Variants in FIBCD1 observed in about 807,000 individuals in gnomAD.
The protein encoded by FIBCD1 is fibrinogen C domain-containing protein 1.
FIBCD1 carries 47 observed loss-of-function variants against 45.1 expected under a neutral mutation model. The observed-to-expected ratio is 1.04, with a 90% CI of 0.82 to 1.33. FIBCD1 has a LOEUF of 1.33. FIBCD1 is among the 40% of genes most tolerant of loss of function. FIBCD1 has a pLI of 0.00. For missense variants in FIBCD1, 653 were observed against 682.2 expected, an observed-to-expected ratio of 0.96 and a Z score of 0.48; for synonymous variants, 313 against 308.1, an observed-to-expected ratio of 1.02 and a Z score of -0.17.
upstream of FIBCD1, among the ~76,000 whole-genome samples, chr9:130,939,690 C>A (rs1024145401): frequency 1.3e-5 from 2 of 152,034 alleles, no homozygotes; most frequent in Non-Finnish European, 2.9e-5. Context: ...CCCCGGCGCG[C>A]CCCGCGTGGT....
intron 4 of FIBCD1, among the ~76,000 whole-genome samples, chr9:130,913,670 C>T (rs751335431): frequency 2.9e-4 from 44 of 152,296 alleles, no homozygotes; most frequent in Non-Finnish European, 2.5e-4. Context: ...ATCTGAGGAG[C>T]GGTGGAGAGC....
Position 130,923,869 on chromosome 9 carries a change from G to C in FIBCD1, c.724C>G (p.Arg242Gly). Residue 242 changes from arginine (R) to glycine (G), a missense_variant, in exon 4 of 7, where the codon CGA (arginine) becomes GGA (glycine). Coordinates refer to ENST00000372338, the MANE Select transcript of FIBCD1 (RefSeq NM_032843.5). Reference sequence around the variant, plus strand: ...CTTAGGAGGACGTCCAGACAGTCTCGGGGCCGGGAGCCTGAGGGAGGCAAG... The same window carrying C: ...CTTAGGAGGACGTCCAGACAGTCTCCGGGCCGGGAGCCTGAGGGAGGCAAG... Reference protein sequence around the residue: ...PRGCATGSRPRDCLDVLLSGQ... With the variant: ...PRGCATGSRPGDCLDVLLSGQ... 1 of 1,612,480 alleles carries C rather than the reference G, an allele frequency of 6.2e-7. No homozygotes were observed. Among genetic ancestry groups the C allele is most frequent in the Non-Finnish European group, 8.5e-7 (1 of 1,179,986 alleles).
At chr9:130,936,266 G>GA (rs1321607741) in intron 1 of FIBCD1, 1 of 152,400 alleles carries the variant, frequency 6.6e-6, no homozygotes, top group East Asian at 1.9e-4. Context: ...AGGGAGGAGA[G>GA]AAGGCTGGCC....
chr9:130,911,127 T>G (rs1485383199), intron 5 of FIBCD1, among the ~76,000 whole-genome samples: 1 of 152,172 alleles, frequency 6.6e-6, no homozygotes, highest in Non-Finnish European at 1.5e-5. Flanking sequence ...TTTCACTCTT[T>G]GGGTCCACGC....
At chr9:130,930,978 T>A (rs962238260) in intron 1 of FIBCD1, among the ~76,000 whole-genome samples, 1 of 152,092 alleles carries the variant, frequency 6.6e-6, no homozygotes, top group African/African-American at 2.4e-5. Context: ...CCGTGTTCTG[T>A]CCTGCTGTTC....
At chr9:130,911,994 T>A in intron 4 of FIBCD1, 106 bp from the exon 5 acceptor site, 1 of 980,650 alleles carries the variant, frequency 1.0e-6, no homozygotes, top group Non-Finnish European at 1.5e-6. Context: ...GCTCCCAACC[T>A]GCCCTCTCGG....
At chr9:130,920,411 A>G (rs750728305) in intron 4 of FIBCD1, among the ~76,000 whole-genome samples, 2 of 152,064 alleles carry the variant, frequency 1.3e-5, no homozygotes, top group Non-Finnish European at 2.9e-5. Context: ...ACTTGTCCCC[A>G]TCTGCAGAGC....
At chr9:130,917,357 C>T (rs747407600) in intron 4 of FIBCD1, among the ~76,000 whole-genome samples, 16 of 152,314 alleles carry the variant, frequency 1.1e-4, no homozygotes, top group South Asian at 2.1e-4. Context: ...TTGGAAGTGC[C>T]GCTTAGAGGG....
rs1481151496 is a variant in FIBCD1 at position 130,904,095 on chromosome 9, A to G, written c.1355T>C (p.Met452Thr). Residue 452 changes from methionine to threonine, a missense_variant, in exon 7 of 7, where the codon ATG (methionine) becomes ACG (threonine). By Grantham distance (81) the Met-to-Thr change is moderately conservative. Transcript: ENST00000372338. ...GWQYSLKFSE[M>T]KIRPVREDR ...GTCCTCCCGGACCGGCCGGATCTTC[A>G]TCTCAGAGAACTTGAGTGAGTACTG... The G allele has an allele frequency of 6.2e-7, 1 of 1,613,130 alleles. No homozygotes were observed. Among genetic ancestry groups the G allele is most frequent in the South Asian group, 1.1e-5 (1 of 91,084 alleles).
At chr9:130,937,875 A>T (rs1832544086) in intron 1 of FIBCD1, 1 of 152,786 alleles carries the variant, frequency 6.5e-6, no homozygotes, top group Non-Finnish European at 1.5e-5. Context: ...AGGCAGCAGG[A>T]AGGGAGGAAT....
chr9:130,921,795 C>T (rs533162301), intron 4 of FIBCD1, among the ~76,000 whole-genome samples: 4 of 152,324 alleles, frequency 2.6e-5, no homozygotes, highest in East Asian at 1.9e-4. Context: ...ACGTTCTTGG[C>T]GTTAGGAAAA....
At chr9:130,910,018 C>G (rs901181718) in intron 5 of FIBCD1, among the ~76,000 whole-genome samples, 2 of 152,226 alleles carry the variant, frequency 1.3e-5, no homozygotes, top group East Asian at 3.9e-4. Flanking sequence ...CCCACTTTGG[C>G]GGCACTTGAG....
intron 3 of FIBCD1, 55 bp from the exon 4 acceptor site, chr9:130,923,935 C>A: frequency 6.2e-7 from 1 of 1,607,958 alleles, no homozygotes; most frequent in Middle Eastern, 2.1e-4. Flanking sequence ...TCCTGCCCAG[C>A]CCCCTGGCCA....
At chr9:130,933,727 T>TGGGGGGGGGGGGGGGGGGGGGGGGGGG (rs1179362614) in intron 1 of FIBCD1, 3 of 51,482 alleles carry the variant, frequency 5.8e-5, no homozygotes, top group Admixed American at 1.7e-4. Context: ...GGCGGGCGGG[T>TGGGGGGGGGGGGGGGGGGGGGGGGGGG]GGGGGGGGGG....
chr9:130,917,341 C>T (rs577779842), intron 4 of FIBCD1, among the ~76,000 whole-genome samples: 1 of 152,210 alleles, frequency 6.6e-6, no homozygotes, highest in African/African-American at 2.4e-5. Context: ...CGCCGCCCGG[C>T]GCACCTTGGA....
intron 1 of FIBCD1, among the ~76,000 whole-genome samples, chr9:130,932,507 C>G (rs1832458275): frequency 6.6e-6 from 1 of 152,224 alleles, no homozygotes; most frequent in African/African-American, 2.4e-5. Flanking sequence ...TCCCCTCCAC[C>G]AGCTCTGCAC....
intron 1 of FIBCD1, among the ~76,000 whole-genome samples, chr9:130,931,538 A>C (rs1213779903): frequency 7.9e-5 from 12 of 152,168 alleles, no homozygotes; most frequent in Admixed American, 7.9e-4. Flanking sequence ...ACAAAAAACA[A>C]AAACGGAAAC....
intron 4 of FIBCD1, among the ~76,000 whole-genome samples, chr9:130,913,425 G>A (rs998717501): frequency 9.2e-5 from 14 of 152,244 alleles, no homozygotes; most frequent in African/African-American, 3.1e-4. Context: ...CCGGATGCCC[G>A]GTCTGACCCG....
intron 5 of FIBCD1, among the ~76,000 whole-genome samples, chr9:130,907,954 TAA>T (rs1161462414): frequency 7.6e-6 from 1 of 131,482 alleles, no homozygotes; most frequent in African/African-American, 2.8e-5. Context: ...AGAGGAGACT[TAA>T]AAAAAAAATA....
Sources: allele counts gnomAD v4.1 joint callset (sites outside exome capture counted in the v4.1 genomes callset), GRCh38; gene constraint gnomAD v4.1.1; transcripts MANE v1.5; gene names NCBI Gene and HGNC (gene_info 2026-07-23, HGNC 2026-07-21).